The following TULP4 variants were observed in gnomAD, a reference collection of about 807,000 sequenced individuals.
The protein encoded by TULP4 is tubby-related protein 4.
TULP4 carries 16 observed loss-of-function variants against 129.0 expected under a neutral mutation model. The observed-to-expected ratio is 0.12, with a 90% confidence interval of 0.08 to 0.19. TULP4 has a LOEUF of 0.19. Ranked by LOEUF, TULP4 falls within the 10% of genes least tolerant of loss-of-function variation. The pLI is 1.00. For missense variants in TULP4, 1,842 were observed against 2,059.1 expected, an observed-to-expected ratio of 0.89 and a Z score of 2.04; for synonymous variants, 998 against 854.0, an observed-to-expected ratio of 1.17 and a Z score of -2.94.
At chr6:158,424,981 G>A (rs1281283608) in intron 2 of TULP4, among the ~76,000 whole-genome samples, 1 of 150,900 alleles carries the variant, frequency 6.6e-6, no homozygotes, top group Admixed American at 6.6e-5. Flanking sequence ...GTGAAACCCC[G>A]TCTCTACTAA....
intron 1 of TULP4, among the ~76,000 whole-genome samples, chr6:158,387,030 G>A (rs1777464388): frequency 6.6e-6 from 1 of 152,134 alleles, no homozygotes; most frequent in Non-Finnish European, 1.5e-5. Flanking sequence ...AAAAATAGAT[G>A]ATAAAATTGG....
At chr6:158,235,373 CTA>C (rs1777671698) in intron 1 of TULP4, among the ~76,000 whole-genome samples, 1 of 152,172 alleles carries the variant, frequency 6.6e-6, no homozygotes, top group Admixed American at 6.5e-5. Flanking sequence ...TTTTCTATCT[CTA>C]TGAATTTGAC....
At chr6:158,371,899 C>G (rs1367909196) in intron 1 of TULP4, among the ~76,000 whole-genome samples, 1 of 152,220 alleles carries the variant, frequency 6.6e-6, no homozygotes, top group East Asian at 1.9e-4. Context: ...ACTGCAGCCT[C>G]AACCTCCAGG....
intron 1 of TULP4, among the ~76,000 whole-genome samples, chr6:158,391,643 CAATT>C (rs1777587173): frequency 6.6e-6 from 1 of 152,196 alleles, no homozygotes; most frequent in Non-Finnish European, 1.5e-5. Flanking sequence ...TGGAATCCCT[CAATT>C]AAGGAGAATG....
chr6:158,365,942 G>A (rs370952376), intron 1 of TULP4, among the ~76,000 whole-genome samples: 45 of 105,554 alleles, frequency 4.3e-4, no homozygotes, highest in African/African-American at 1.4e-3. Flanking sequence ...TCGCTCTGTC[G>A]CCCAGTCTGG....
At chr6:158,411,101 G>A (rs1056871924) in intron 1 of TULP4, among the ~76,000 whole-genome samples, 9 of 149,060 alleles carry the variant, frequency 6.0e-5, no homozygotes, top group East Asian at 1.9e-4. Flanking sequence ...GAGGCTATGC[G>A]GTCGAGGCCA....
At chr6:158,406,459 T>G (rs764699531) in intron 1 of TULP4, among the ~76,000 whole-genome samples, 6 of 152,212 alleles carry the variant, frequency 3.9e-5, no homozygotes, top group South Asian at 4.1e-4. Flanking sequence ...TGCATGTGAT[T>G]GAACATACTT....
intron 1 of TULP4, among the ~76,000 whole-genome samples, chr6:158,291,139 T>C (rs1383827498): frequency 1.3e-5 from 2 of 152,242 alleles, no homozygotes; most frequent in Non-Finnish European, 2.9e-5. Context: ...TAATTTTACC[T>C]ACATATTTAA....
intron 6 of TULP4, among the ~76,000 whole-genome samples, chr6:158,474,783 C>A (rs1779777531): frequency 6.6e-6 from 1 of 152,088 alleles, no homozygotes. Context: ...GGTGAGCATC[C>A]CAAATCTGAA....
At chr6:158,306,632 A>G (rs576718105) in intron 1 of TULP4, among the ~76,000 whole-genome samples, 1 of 152,316 alleles carries the variant, frequency 6.6e-6, no homozygotes, top group Admixed American at 6.5e-5. Context: ...TTTGAACTTT[A>G]TTGTTTCAGG....
intron 1 of TULP4, among the ~76,000 whole-genome samples, chr6:158,254,892 C>T (rs1183605534): frequency 2.0e-5 from 3 of 152,088 alleles, no homozygotes; most frequent in Non-Finnish European, 2.9e-5. Context: ...GCCAACATGG[C>T]GAAACCCTGT....
intron 1 of TULP4, among the ~76,000 whole-genome samples, chr6:158,363,042 G>A (rs1274032415): frequency 4.2e-5 from 5 of 119,682 alleles, no homozygotes. Context: ...AGCCTGGGGG[G>A]ACAGAGCGAG....
rs544690520 is a variant in TULP4 at position 158,303,179 on chromosome 6, T to C, written n.117-8872T>C. On this transcript the variant is annotated intron_variant and non_coding_transcript_variant, in intron 1 of 1. Coordinates refer to the TULP4 transcript ENST00000432358. ...AGGACCCCGTGTCTTATCTCCTTTGTTTAAAACAATATTAGGTAGTAAAAG... is the reference window on the plus strand; with the variant it reads ...AGGACCCCGTGTCTTATCTCCTTTGCTTAAAACAATATTAGGTAGTAAAAG... Among the ~76,000 whole-genome samples, 7 of 151,734 alleles carry C rather than the reference T, an allele frequency of 4.6e-5. No individual in the cohort carries two copies. The South Asian group carries it at 1.5e-3, about 32-fold the overall frequency.
At chr6:158,361,003 C>A (rs1480701920) in intron 1 of TULP4, among the ~76,000 whole-genome samples, 1 of 152,134 alleles carries the variant, frequency 6.6e-6, no homozygotes, top group Non-Finnish European at 1.5e-5. Flanking sequence ...TCCTTTCCTG[C>A]CTTCTTTAGT....
intron 1 of TULP4, among the ~76,000 whole-genome samples, chr6:158,306,123 G>A (rs1480008296): frequency 6.6e-6 from 1 of 152,048 alleles, no homozygotes; most frequent in Non-Finnish European, 1.5e-5. Flanking sequence ...TGCCATATTT[G>A]TCTAGCATAT....
At chr6:158,480,952 A>G in intron 7 of TULP4, 103 bp from the exon 8 acceptor site, 2 of 1,027,568 alleles carry the variant, frequency 1.9e-6, no homozygotes, top group Non-Finnish European at 2.8e-6. Flanking sequence ...CTCTGTCTGG[A>G]ACAGTAGCGT....
chr6:158,305,324 C>CGTGT (rs34836137), intron 1 of TULP4, among the ~76,000 whole-genome samples: 19,885 of 141,680 alleles, frequency 0.14, 1,424 homozygotes, highest in East Asian at 0.19. Flanking sequence ...ATTCTGTGTG[C>CGTGT]GTGTGTGTGT....
At chr6:158,329,162 A>G (rs144166100) in intron 1 of TULP4, among the ~76,000 whole-genome samples, 155 of 152,252 alleles carry the variant, frequency 1.0e-3, no homozygotes, top group African/African-American at 3.4e-3. Flanking sequence ...CTGGCAACCT[A>G]CATTTGGTTT....
At chr6:158,308,928 G>A (rs1474803454), upstream of TULP4, among the ~76,000 whole-genome samples, 23 of 103,406 alleles carry the variant, frequency 2.2e-4, no homozygotes, top group South Asian at 9.1e-4. Context: ...CTGGCCGGGC[G>A]GGGGGCTGAC....
Sources: gnomAD v4.1 joint callset for allele counts (sites outside exome capture counted in the v4.1 genomes callset) on GRCh38, gnomAD v4.1.1 for gene constraint, MANE v1.5 for transcripts, NCBI Gene and HGNC (gene_info 2026-07-23, HGNC 2026-07-21) for gene names.